BCL11B: variants seen among roughly 807,000 people sequenced by gnomAD.
BCL11B encodes the protein BCL11 transcription factor B, also known as B-cell lymphoma/leukemia 11B.
Under a neutral mutation model 49.9 loss-of-function variants are expected in BCL11B, and 8 were observed. The observed-to-expected ratio is 0.16, with a 90% CI of 0.09 to 0.29. The LOEUF is 0.29. BCL11B is among the 10% of genes least tolerant of loss of function. BCL11B has a pLI of 1.00. For synonymous variants in BCL11B, 739 were observed against 637.4 expected, an observed-to-expected ratio of 1.16 and a Z score of -2.40; for missense variants, 1,006 against 1,351.0, an observed-to-expected ratio of 0.74 and a Z score of 4.00.
chr14:99,197,514 C>T (rs1031879794), intron 3 of BCL11B, among the ~76,000 whole-genome samples: 2 of 151,860 alleles, frequency 1.3e-5, no homozygotes, highest in African/African-American at 4.8e-5. Context: ...TTTCACAAGG[C>T]AAGCCTCTCA....
chr14:99,175,866 G>A lies in BCL11B; in HGVS notation c.970C>T (p.His324Tyr). The A allele has an allele frequency of 6.8e-7, 1 of 1,475,440 alleles. No homozygotes were observed. Among genetic ancestry groups the A allele is most frequent in the Non-Finnish European group, 8.9e-7 (1 of 1,118,340 alleles). 91.4% of individuals were successfully genotyped at this position (1,475,440 alleles called of 1,614,324 possible). The change falls in exon 4 of 4, where the codon CAC becomes TAC. Residue 324 changes from histidine (H) to tyrosine (Y), a missense_variant. Around this residue, in one of 6 missense-constraint regions of BCL11B, gnomAD observed 411 missense variants for 542.2 expected, o/e 0.76. Coordinates refer to ENST00000357195, the MANE Select transcript of BCL11B (RefSeq NM_138576.4). ...GCACTGAGGCGGTGCGGGTCCAGGT[G>A]GTGGCGCGGCGGGGGACTGAAGAGA... Reference protein sequence around the residue: ...PPLFSPPPRHHLDPHRLSAEE... With the variant: ...PPLFSPPPRHYLDPHRLSAEE...
chr14:99,249,626 A>ACTGCC (rs1888942983), intron 2 of BCL11B, among the ~76,000 whole-genome samples: 1 of 152,192 alleles, frequency 6.6e-6, no homozygotes. Flanking sequence ...GAAGAACATA[A>ACTGCC]CTGCCGGAGT....
intron 3 of BCL11B, among the ~76,000 whole-genome samples, chr14:99,187,778 T>TTCCTCCTCC (rs11281373): frequency 0.85 from 128,458 of 150,430 alleles, 55,543 homozygotes; most frequent in Middle Eastern, 0.96. Context: ...CATGCAGGCC[T>TTCCTCCTCC]TCCTCCTCCT....
rs543601799 is a variant in BCL11B, at chr14:99,257,435, C to T, written c.427+36G>A. 10 of 1,554,660 alleles carry T rather than the reference C, an allele frequency of 6.4e-6. No individual in the cohort carries two copies. The East Asian group carries it at 1.8e-4, about 28-fold the overall frequency. ...AGAGGGCATGGGACCCAGGAGGTGG[C>T]TTCCACAGCAACCAGGCAAGCGCAG... is the stretch of plus-strand genomic sequence containing the variant. On this transcript the variant is annotated intron_variant, in intron 2 of 3. Transcript: ENST00000357195. This position sits in a 1 kb window ranked among gnomAD's most constrained non-coding sequence, Gnocchi z 6.2.
At position 99,190,909 on chromosome 14, in the gene BCL11B, G is replaced by GA. The variant is rs576840432; in HGVS notation, c.641-14715_641-14714insT. 5.5e-4 allele frequency among the ~76,000 whole-genome samples: 83 copies of GA among 151,976 alleles called. 1 individual carries two copies. The South Asian group carries it at 0.016, about 30-fold the overall frequency. On this transcript the variant is annotated intron_variant, in intron 3 of 3. Coordinates refer to ENST00000357195, the MANE Select transcript of BCL11B (RefSeq NM_138576.4). ...TCCCACCGCCCGCTTCGGCCACACG[G>GA]GGGGGGTCACCCTCAAATTAGGGTC...
In BCL11B at chr14:99,241,138, T is replaced by C. The variant is rs1018673652; in HGVS notation, c.428-9581A>G. The stretch of plus-strand genomic sequence containing the variant: ...GACAAGCCTCTTCTCCCTACAGGAG[T>C]GCCCAGTATTTATATGCCACTTACT... On this transcript the variant is annotated intron_variant, in intron 2 of 3. Coordinates refer to ENST00000357195, the MANE Select transcript of BCL11B (RefSeq NM_138576.4). The surrounding 1 kb of genome is among the most constrained non-coding windows in gnomAD (Gnocchi z 4.4). Among the ~76,000 whole-genome samples, 1 of 152,010 alleles carries C rather than the reference T, an allele frequency of 6.6e-6. No homozygotes were observed. Among genetic ancestry groups the C allele is most frequent in the Non-Finnish European group, 1.5e-5 (1 of 68,006 alleles).
chr14:99,211,017 G>T (rs567049950), intron 3 of BCL11B, among the ~76,000 whole-genome samples: 1 of 152,092 alleles, frequency 6.6e-6, no homozygotes, highest in Non-Finnish European at 1.5e-5. Flanking sequence ...TGACGACAAT[G>T]ATCATAATAA....
chr14:99,253,896 G>T (rs1889081358), intron 2 of BCL11B, among the ~76,000 whole-genome samples: 1 of 152,200 alleles, frequency 6.6e-6, no homozygotes, highest in Non-Finnish European at 1.5e-5. Context: ...CACCATAGCT[G>T]CCCTGAGTCA....
chr14:99,240,349 G>A (rs554252874), intron 2 of BCL11B, among the ~76,000 whole-genome samples: 1 of 152,152 alleles, frequency 6.6e-6, no homozygotes, highest in Non-Finnish European at 1.5e-5. Flanking sequence ...CCTGGATTTT[G>A]TTTATGACTA....
chr14:99,174,627 A>T lies in BCL11B; in HGVS notation c.2209T>A (p.Phe737Ile). ...GACGAGTGCTCGGACGACGTGGCGA[A>T]GGGCGACTGTCGTGCGTCCGTGAAG... ...LGFTDARQSP[F>I]ATSSEHSSEN... The change falls in exon 4 of 4, where the codon TTC becomes ATC. Residue 737 changes from phenylalanine to isoleucine, a missense_variant. Coordinates refer to ENST00000357195, the MANE Select transcript of BCL11B (RefSeq NM_138576.4). 2 of 1,563,940 alleles carry T rather than the reference A, an allele frequency of 1.3e-6. No homozygotes were observed. Among genetic ancestry groups the T allele is most frequent in the Non-Finnish European group, 1.7e-6 (2 of 1,159,442 alleles).
Position 99,271,321 on chromosome 14 carries a change from G to GCTGCCGCCA in BCL11B, c.-104_-103insTGGCGGCAG, listed in dbSNP as rs2139986810. 1 of 753,562 alleles carries GCTGCCGCCA rather than the reference G, an allele frequency of 1.3e-6. No individual in the cohort carries two copies. Among genetic ancestry groups the GCTGCCGCCA allele is most frequent in the Non-Finnish European group, 1.8e-6 (1 of 566,810 alleles). The allele number at this position is 753,562 out of a possible 1,614,324, so 46.7% of individuals were successfully genotyped here. A position where few individuals can be genotyped will look rare whatever the true frequency, so the allele number is the denominator to read the frequency against. Reference sequence around the variant, plus strand: ...CCGCGCCGCTGCCGCCGCTGCCGCCGCCGCCGCCGCCGCCGCACCTCCTCC... The same window carrying GCTGCCGCCA: ...CCGCGCCGCTGCCGCCGCTGCCGCCGCTGCCGCCACCGCCGCCGCCGCCGCACCTCCTCC... On this transcript the variant is annotated 5_prime_UTR_variant, in exon 1 of 4. Coordinates refer to ENST00000357195, the MANE Select transcript of BCL11B (RefSeq NM_138576.4).
At position 99,264,019 on chromosome 14, in the gene BCL11B, A is replaced by T. The variant is rs184721018; in HGVS notation, c.59-6180T>A. On this transcript the variant is annotated intron_variant, in intron 1 of 3. Transcript: ENST00000357195. ...TCAACACATTTAGCAGGTTCTATAA[A>T]ACTGCAAATGCCTTCAATCTTCAGA... 2.7e-3 allele frequency: 410 copies of T among 152,398 alleles called. 2 individuals carry two copies. Among genetic ancestry groups the T allele is most frequent in the African/African-American group, 9.3e-3 (388 of 41,598 alleles). The allele number at this position is 152,398 out of a possible 1,614,324, so 9.4% of individuals were successfully genotyped here.
chr14:99,200,730 T>C (rs1026221514), intron 3 of BCL11B, among the ~76,000 whole-genome samples: 1 of 152,198 alleles, frequency 6.6e-6, no homozygotes, highest in Non-Finnish European at 1.5e-5. Flanking sequence ...GCACAGCCAC[T>C]ACTGGAGCTA....
Position 99,172,618 on chromosome 14 carries a change from A to T in BCL11B, c.*1533T>A. On this transcript the variant is annotated 3_prime_UTR_variant, in exon 4 of 4. Coordinates refer to ENST00000357195, the MANE Select transcript of BCL11B (RefSeq NM_138576.4). ...AAATTATTATTTTATTTTGTTCTTT[A>T]TAGTGCCAGTATTGTGAATGCCACG... 4.7e-6 allele frequency: 1 copy of T among 212,918 alleles called. No individual in the cohort carries two copies. The highest frequency in any genetic ancestry group is 9.5e-6 in the Non-Finnish European group (1 of 105,016). The allele number at this position is 212,918 out of a possible 1,614,324, so 13.2% of individuals were successfully genotyped here.
chr14:99,243,798 C>G (rs1230942505), intron 2 of BCL11B, among the ~76,000 whole-genome samples: 2 of 152,104 alleles, frequency 1.3e-5, no homozygotes, highest in African/African-American at 4.8e-5. Flanking sequence ...AGATGCTTAA[C>G]ACAGCACCTC....
chr14:99,231,422 G>A lies in BCL11B; in HGVS notation c.563C>T (p.Ala188Val), dbSNP rs757442289. Reference protein sequence around the residue: ...PPCLPLPCCSARPVSGDGTQG... With the variant: ...PPCLPLPCCSVRPVSGDGTQG... ...AGTCCCGTCACCCGAGACCGGGCGC[G>A]CGCTGCAGCACGGCAGGGGGAGGCA... Residue 188 changes from alanine (A) to valine (V), a missense_variant, in exon 3 of 4, where the codon GCG (alanine) becomes GTG (valine). Transcript: ENST00000357195. This position sits in a 1 kb window ranked among gnomAD's most constrained non-coding sequence, Gnocchi z 8.1. 86 of 1,596,630 alleles carry A rather than the reference G, an allele frequency of 5.4e-5. No homozygotes were observed. The highest frequency in any genetic ancestry group is 6.7e-5 in the East Asian group (3 of 44,576).
At chr14:99,261,610 C>A (rs1889339846) in intron 1 of BCL11B, among the ~76,000 whole-genome samples, 1 of 152,172 alleles carries the variant, frequency 6.6e-6, no homozygotes, top group Admixed American at 6.5e-5. Context: ...CAAACTCGGG[C>A]CTTAAAAAAA....
Position 99,174,871 on chromosome 14 carries a change from C to A in BCL11B, c.1965G>T (p.Gly655=). 1 of 1,163,776 alleles carries A rather than the reference C, an allele frequency of 8.6e-7. No homozygotes were observed. The highest frequency in any genetic ancestry group is 1.1e-6 in the Non-Finnish European group (1 of 945,526). The allele number at this position is 1,163,776 out of a possible 1,614,324, so 72.1% of individuals were successfully genotyped here. A position where few individuals can be genotyped will look rare whatever the true frequency, so the allele number is the denominator to read the frequency against. Residue 655 remains glycine (G), a synonymous_variant, in exon 4 of 4, where the codon GGG becomes GGT. Transcript: ENST00000357195. ...GCTCGGTGCCTGGCGCGAAGCCGCC[C>A]CCGCGCCCGTTGACCGCGCCGCCCG... ...AGAGGAVNGR[G]GGFAPGTEPF...
In BCL11B at chr14:99,248,398, G is replaced by C. The variant is rs968721023; in HGVS notation, c.427+9073C>G. 6.6e-6 allele frequency among the ~76,000 whole-genome samples: 1 copy of C among 152,188 alleles called. No individual in the cohort carries two copies. On this transcript the variant is annotated intron_variant, in intron 2 of 3. Transcript: ENST00000357195. The surrounding 1 kb of genome is among the most constrained non-coding windows in gnomAD (Gnocchi z 4.7). ...TCCCCTGAGGAGGCTCCCACTCCCT[G>C]TGTGCCCAGAGGTCACTGGCCGCCC... is the stretch of plus-strand genomic sequence containing the variant.
Sources: gnomAD v4.1 joint callset for allele counts (sites outside exome capture counted in the v4.1 genomes callset) on GRCh38, gnomAD v4.1.1 for gene constraint, gnomAD v4.1.1 regional missense constraint, Gnocchi (gnomAD v3.1) non-coding constraint, MANE v1.5 for transcripts, NCBI Gene and HGNC (gene_info 2026-07-23, HGNC 2026-07-21) for gene names.